Variants in SPON1 observed in about 807,000 individuals in gnomAD.
SPON1 encodes spondin 1, also known as spondin-1.
SPON1 carries 52 observed loss-of-function variants against 111.7 expected under a neutral mutation model. The ratio of observed to expected loss-of-function variants is 0.47; its 90% confidence interval spans 0.37 to 0.59. The LOEUF (loss-of-function observed/expected upper bound fraction) is 0.59. Among genes scored for constraint, SPON1 ranks in the 20% least tolerant of loss-of-function variants. The pLI is 0.00. For missense variants in SPON1, 957 were observed against 1,068.5 expected, an observed-to-expected ratio of 0.90 and a Z score of 1.46; for synonymous variants, 410 against 395.8, an observed-to-expected ratio of 1.04 and a Z score of -0.43.
chr11:14,081,314 G>A (rs894606276), intron 5 of SPON1, among the ~76,000 whole-genome samples: 21 of 152,116 alleles, frequency 1.4e-4, no homozygotes, highest in African/African-American at 3.1e-4. Context: ...GCCACTCAGC[G>A]GCTAGTGGAG....
At chr11:14,078,399 A>G (rs17471855) in intron 4 of SPON1, among the ~76,000 whole-genome samples, 13,496 of 152,238 alleles carry the variant, frequency 0.089, 678 homozygotes, top group Middle Eastern at 0.14. Flanking sequence ...CCTAGTAGCT[A>G]CAATTGAAAC....
chr11:14,051,719 G>A (rs1848709349), intron 3 of SPON1, among the ~76,000 whole-genome samples: 2 of 152,106 alleles, frequency 1.3e-5, no homozygotes, highest in Admixed American at 1.3e-4. Flanking sequence ...TTGTTTATAA[G>A]CTACTCAGTT....
chr11:14,182,771 A>C (rs1848248039), intron 6 of SPON1, among the ~76,000 whole-genome samples: 2 of 152,192 alleles, frequency 1.3e-5, no homozygotes, highest in African/African-American at 4.8e-5. Context: ...TGACCCTGCC[A>C]GGTCAACACA....
At position 14,262,902 on chromosome 11, in the gene SPON1, A is replaced by G. The variant is rs1039476865; in HGVS notation, c.2187A>G (p.Leu729=). Reference sequence around the variant, plus strand: ...TTCGAAATCCATCCATCCAAAAGCTACGCTGGAGGGAGGCCCGAGAGAGCC... The same window carrying G: ...TTCGAAATCCATCCATCCAAAAGCTGCGCTGGAGGGAGGCCCGAGAGAGCC... ...KCLRNPSIQK[L]RWREARESRR... is the part of the protein sequence containing the mutation. Residue 729 remains leucine, a synonymous_variant, in exon 15 of 16, where the codon CTA becomes CTG. Transcript: ENST00000576479. The G allele has an allele frequency of 1.9e-6, 3 of 1,613,806 alleles. No individual in the cohort carries two copies. Among genetic ancestry groups the G allele is most frequent in the Non-Finnish European group, 2.5e-6 (3 of 1,179,866 alleles).
At position 13,963,097 on chromosome 11, in the gene SPON1, G is replaced by A. The variant is rs1554907690; in HGVS notation, c.193G>A (p.Val65Met). The change falls in exon 1 of 16, where the codon GTG (valine) becomes ATG (methionine). Residue 65 changes from valine (V) to methionine (M), a missense_variant. Physicochemically the swap from Val to Met is conservative, Grantham distance 21. Transcript: ENST00000576479. Reference protein sequence around the residue: ...REGYTEFSLRVEGDPDFYKPG... With the variant: ...REGYTEFSLRMEGDPDFYKPG... Reference sequence around the variant, plus strand: ...GGGCTACACCGAGTTCAGCCTCCGCGTGGAGGGCGACCCCGACTTCTACAA... The same window carrying A: ...GGGCTACACCGAGTTCAGCCTCCGCATGGAGGGCGACCCCGACTTCTACAA... The A allele has an allele frequency of 6.5e-7, 1 of 1,549,464 alleles. No individual in the cohort carries two copies. Among genetic ancestry groups the A allele is most frequent in the Admixed American group, 1.9e-5 (1 of 51,500 alleles).
chr11:14,106,615 A>G (rs7944940), intron 5 of SPON1, among the ~76,000 whole-genome samples: 63,018 of 151,998 alleles, frequency 0.41, 13,155 homozygotes, highest in Admixed American at 0.47. Flanking sequence ...GTCCAAAGAA[A>G]TACTTGCAGC....
At chr11:14,107,016 T>A (rs1849189939) in intron 5 of SPON1, among the ~76,000 whole-genome samples, 1 of 152,188 alleles carries the variant, frequency 6.6e-6, no homozygotes. Flanking sequence ...TTAAACTCTG[T>A]CTAACATTAT....
chr11:14,223,857 A>G (rs1386683494), intron 6 of SPON1, among the ~76,000 whole-genome samples: 3 of 152,230 alleles, frequency 2.0e-5, no homozygotes, highest in Non-Finnish European at 2.9e-5. Flanking sequence ...ATGTAACAAG[A>G]AAACACTGGG....
intron 2 of SPON1, among the ~76,000 whole-genome samples, chr11:13,987,585 T>C (rs1848195333): frequency 6.6e-6 from 1 of 152,228 alleles, no homozygotes; most frequent in Non-Finnish European, 1.5e-5. Context: ...TTTTGGCTTT[T>C]GTTACCTTTG....
intron 2 of SPON1, among the ~76,000 whole-genome samples, chr11:14,035,163 T>A (rs1208146396): frequency 6.6e-6 from 1 of 152,094 alleles, no homozygotes; most frequent in African/African-American, 2.4e-5. Context: ...TGTATGTGGT[T>A]TCATGGGACT....
chr11:14,092,528 C>T (rs1472466257), intron 5 of SPON1, among the ~76,000 whole-genome samples: 1 of 152,126 alleles, frequency 6.6e-6, no homozygotes, highest in Non-Finnish European at 1.5e-5. Context: ...GCCACATCTG[C>T]CGAGGCTCTT....
intron 4 of SPON1, among the ~76,000 whole-genome samples, chr11:14,076,907 G>A (rs1233843021): frequency 1.3e-5 from 2 of 152,152 alleles, no homozygotes; most frequent in African/African-American, 4.8e-5. Flanking sequence ...TGTCTTCTGA[G>A]GCTTTTCTTT....
intron 2 of SPON1, among the ~76,000 whole-genome samples, chr11:14,030,922 A>T (rs1277810854): frequency 6.6e-6 from 1 of 152,260 alleles, no homozygotes; most frequent in Non-Finnish European, 1.5e-5. Context: ...TCATTACAGT[A>T]CTATTCACAA....
chr11:14,252,912 G>T (rs968984102), intron 7 of SPON1, among the ~76,000 whole-genome samples: 1 of 152,252 alleles, frequency 6.6e-6, no homozygotes, highest in Non-Finnish European at 1.5e-5. Context: ...TGGGGCTCAA[G>T]AATCTGTATT....
At chr11:14,198,143 G>T (rs190323396) in intron 6 of SPON1, among the ~76,000 whole-genome samples, 1 of 152,232 alleles carries the variant, frequency 6.6e-6, no homozygotes, top group East Asian at 1.9e-4. Context: ...CTCTCAAATC[G>T]GTGCCTAATG....
chr11:14,232,204 C>T (rs1437964099), intron 6 of SPON1, among the ~76,000 whole-genome samples: 2 of 151,944 alleles, frequency 1.3e-5, no homozygotes, highest in African/African-American at 2.4e-5. Flanking sequence ...CCCATCCTGG[C>T]CCTCCCCCTC....
At chr11:14,041,801 A>ATGGTG in intron 3 of SPON1, 147 bp downstream of exon 3, 2 of 837,624 alleles carry the variant, frequency 2.4e-6, no homozygotes, top group Non-Finnish European at 3.6e-6. Flanking sequence ...AGCACCATAG[A>ATGGTG]CTATCATTGG....
intron 6 of SPON1, among the ~76,000 whole-genome samples, chr11:14,170,779 T>C (rs941203372): frequency 1.3e-5 from 2 of 152,224 alleles, no homozygotes. Context: ...TGGTTCTGTT[T>C]ATATGCCAGA....
chr11:14,060,891 G>A (rs541652229), intron 3 of SPON1, among the ~76,000 whole-genome samples: 2 of 152,096 alleles, frequency 1.3e-5, no homozygotes, highest in South Asian at 2.1e-4. Context: ...TAGATACAAC[G>A]GTGAACAAGA....
Sources: gnomAD v4.1 joint callset for allele counts (sites outside exome capture counted in the v4.1 genomes callset) on GRCh38, gnomAD v4.1.1 for gene constraint, MANE v1.5 for transcripts, NCBI Gene and HGNC (gene_info 2026-07-23, HGNC 2026-07-21) for gene names.